The following HAAO variants were observed in gnomAD, a reference collection of about 807,000 sequenced individuals.
The protein encoded by HAAO is 3-hydroxyanthranilate oxygenase.
In HAAO, 49 loss-of-function variants were observed where a neutral mutation model predicts 46.2. The observed-to-expected ratio is 1.06, with a 90% CI of 0.84 to 1.34. The LOEUF is 1.34. HAAO is among the 40% of genes most tolerant of loss of function. The pLI, the probability that HAAO is intolerant of heterozygous loss-of-function variation, is 0.00. For missense variants in HAAO, 408 were observed against 364.5 expected, an observed-to-expected ratio of 1.12 and a Z score of -0.97; for synonymous variants, 157 against 145.2, an observed-to-expected ratio of 1.08 and a Z score of -0.58.
chr2:42,769,725 G>A lies in HAAO; in HGVS notation c.618C>T (p.Thr206=). 6.2e-7 allele frequency: 1 copy of A among 1,611,688 alleles called. No individual in the cohort carries two copies. The highest frequency in any genetic ancestry group is 8.5e-7 in the Non-Finnish European group (1 of 1,178,886). The change falls in exon 7 of 10, where the codon ACC becomes ACT. Residue 206 remains threonine, a synonymous_variant. Coordinates refer to ENST00000294973, the MANE Select transcript of HAAO (RefSeq NM_012205.3). The stretch of plus-strand genomic sequence containing the variant: ...AGGACTACATTACCTGGGTCTCATA[G>A]GTGTCCCCAAACAGGCTGAGTGGTG... ...AGTPLSLFGD[T]YETQVIAYGQ...
At chr2:42,771,032 TG>T in intron 4 of HAAO, among the ~76,000 whole-genome samples, 1 of 152,312 alleles carries the variant, frequency 6.6e-6, no homozygotes. Flanking sequence ...GGCCAGTGGC[TG>T]GACGCTCTGC....
chr2:42,770,449 G>C (rs765565181), intron 5 of HAAO, 44 bp downstream of exon 5: 3 of 1,342,936 alleles, frequency 2.2e-6, no homozygotes, highest in Non-Finnish European at 2.1e-6. Flanking sequence ...TGCTGATGCA[G>C]AGCCCCAGGA....
intron 2 of HAAO, among the ~76,000 whole-genome samples, chr2:42,785,560 C>T (rs1672320789): frequency 6.6e-6 from 1 of 152,048 alleles, no homozygotes; most frequent in Non-Finnish European, 1.5e-5. Flanking sequence ...ACAATGTTTA[C>T]TTTCCTTATT....
At chr2:42,789,477 C>T (rs947243675) in intron 1 of HAAO, among the ~76,000 whole-genome samples, 4 of 152,090 alleles carry the variant, frequency 2.6e-5, no homozygotes, top group South Asian at 2.1e-4. Context: ...GGCTGAAGCA[C>T]GAGAATCGCT....
chr2:42,773,583 A>ATTTTTTTTTTTTT (rs58425059), intron 4 of HAAO, among the ~76,000 whole-genome samples: 1 of 123,120 alleles, frequency 8.1e-6, no homozygotes, highest in Non-Finnish European at 1.7e-5. Flanking sequence ...CCTACCCCCT[A>ATTTTTTTTTTTTT]TTTTTTTTTT....
intron 4 of HAAO, among the ~76,000 whole-genome samples, chr2:42,771,061 G>C (rs768410486): frequency 2.6e-4 from 40 of 152,266 alleles, no homozygotes; most frequent in Admixed American, 8.5e-4. Flanking sequence ...CAGTGCTCTA[G>C]GCCTGAGTGC....
chr2:42,781,674 A>G (rs1672009371), intron 4 of HAAO, among the ~76,000 whole-genome samples: 1 of 152,178 alleles, frequency 6.6e-6, no homozygotes, highest in Non-Finnish European at 1.5e-5. Context: ...GGAGTTCGAG[A>G]CTAGCCTGGC....
chr2:42,777,242 G>T (rs185667516), intron 4 of HAAO, among the ~76,000 whole-genome samples: 104 of 142,276 alleles, frequency 7.3e-4, no homozygotes, highest in Non-Finnish European at 1.2e-3. Context: ...GGCAGAAGTC[G>T]CAGTGAGCCA....
At chr2:42,783,277 G>T in intron 4 of HAAO, 37 bp downstream of exon 4, 1 of 1,236,666 alleles carries the variant, frequency 8.1e-7, no homozygotes, top group Non-Finnish European at 1.2e-6. Context: ...TCTGCTGTTT[G>T]CCCTTTCTCT....
chr2:42,783,487 C>A, intron 3 of HAAO, 67 bp from the exon 4 acceptor site: 1 of 989,558 alleles, frequency 1.0e-6, no homozygotes. Flanking sequence ...GCGCCCCCAA[C>A]ATCCTGGGCA....
rs528322926 is a variant in HAAO at position 42,788,980 on chromosome 2, G to A, written c.81-373C>T. 3.6e-5 allele frequency: 10 copies of A among 276,834 alleles called. No homozygotes were observed. The South Asian group carries it at 4.0e-4, about 11-fold the overall frequency. The allele number at this position is 276,834 out of a possible 1,614,324, so 17.1% of individuals were successfully genotyped here. On this transcript the variant is annotated intron_variant, in intron 1 of 9. Coordinates refer to ENST00000294973, the MANE Select transcript of HAAO (RefSeq NM_012205.3). The stretch of plus-strand genomic sequence containing the variant: ...CCTTCCCAGGATGGGGCAGTGTAGG[G>A]GCAAAACGACCTTGACCTGCCACTC...
In HAAO at chr2:42,767,132, A is replaced by C. The variant is rs560693855; in HGVS notation, c.*305T>G. ...TTTATTGAGGGCCTTCTTGGTGTGG[A>C]AGTGCTGCACTGAGTCTGCAGGGAC... On this transcript the variant is annotated 3_prime_UTR_variant, in exon 10 of 10. Coordinates refer to ENST00000294973, the MANE Select transcript of HAAO (RefSeq NM_012205.3). 6.0e-6 allele frequency: 3 copies of C among 502,092 alleles called. No individual in the cohort carries two copies. The East Asian group carries it at 1.0e-4, about 17-fold the overall frequency. 31.1% of individuals were successfully genotyped at this position (502,092 alleles called of 1,614,324 possible).
At chr2:42,767,973 A>T in intron 7 of HAAO, 45 bp from the exon 8 acceptor site, 1 of 1,553,484 alleles carries the variant, frequency 6.4e-7, no homozygotes, top group African/African-American at 1.4e-5. Context: ...CTTGCCCCAC[A>T]TGGGAGATGG....
At chr2:42,776,693 C>A (rs1224816621) in intron 4 of HAAO, among the ~76,000 whole-genome samples, 2 of 145,584 alleles carry the variant, frequency 1.4e-5, no homozygotes, top group Non-Finnish European at 3.0e-5. Flanking sequence ...AGTGCAGTGG[C>A]GTGATCTTGG....
intron 4 of HAAO, among the ~76,000 whole-genome samples, chr2:42,773,116 T>C (rs1249110420): frequency 6.6e-6 from 1 of 152,238 alleles, no homozygotes; most frequent in Non-Finnish European, 1.5e-5. Flanking sequence ...TTCCCCTCTT[T>C]GGTGTTGACT....
At chr2:42,776,555 T>A (rs182935067) in intron 4 of HAAO, among the ~76,000 whole-genome samples, 10 of 151,022 alleles carry the variant, frequency 6.6e-5, no homozygotes, top group South Asian at 2.1e-4. Flanking sequence ...ATCTTTAATC[T>A]CCCTCTAGCA....
intron 1 of HAAO, among the ~76,000 whole-genome samples, chr2:42,790,184 A>C (rs1281704470): frequency 6.6e-6 from 1 of 152,164 alleles, no homozygotes; most frequent in African/African-American, 2.4e-5. Flanking sequence ...CGGAAGAGCC[A>C]GTCTCTTTCC....
intron 2 of HAAO, among the ~76,000 whole-genome samples, 187 bp downstream of exon 2, chr2:42,788,342 G>A (rs1340300898): frequency 6.6e-6 from 1 of 152,202 alleles, no homozygotes; most frequent in African/African-American, 2.4e-5. Flanking sequence ...AGGCGTCACT[G>A]CCTGACCACC....
At chr2:42,779,527 G>T (rs1395941442) in intron 4 of HAAO, among the ~76,000 whole-genome samples, 1 of 152,074 alleles carries the variant, frequency 6.6e-6, no homozygotes, top group Non-Finnish European at 1.5e-5. Context: ...TCACCATGTT[G>T]GTCAGGCTGG....
Sources: allele counts gnomAD v4.1 joint callset (sites outside exome capture counted in the v4.1 genomes callset), GRCh38; gene constraint gnomAD v4.1.1; transcripts MANE v1.5; gene names NCBI Gene and HGNC (gene_info 2026-07-23, HGNC 2026-07-21).